Variants in GRIA2 observed in about 807,000 individuals in gnomAD.
GRIA2 encodes the protein glutamate receptor 2.
Under a neutral mutation model 97.3 loss-of-function variants are expected in GRIA2, and 14 were observed. That is an observed-to-expected ratio of 0.14 (90% CI 0.10 to 0.23). GRIA2 has a LOEUF of 0.23. GRIA2 is among the 10% of genes least tolerant of loss of function. GRIA2 has a pLI of 1.00. For synonymous variants in GRIA2, 412 were observed against 387.8 expected, an observed-to-expected ratio of 1.06 and a Z score of -0.73; for missense variants, 558 against 1,069.8, an observed-to-expected ratio of 0.52 and a Z score of 6.67.
At chr4:157,330,025 T>C (rs913601717) in intron 6 of GRIA2, among the ~76,000 whole-genome samples, 1 of 151,914 alleles carries the variant, frequency 6.6e-6, no homozygotes, top group East Asian at 1.9e-4. Context: ...AAAACAGTGG[T>C]GGCATAGGGT....
At chr4:157,288,210 A>G (rs1477002132) in intron 2 of GRIA2, among the ~76,000 whole-genome samples, 1 of 151,670 alleles carries the variant, frequency 6.6e-6, no homozygotes, top group Non-Finnish European at 1.5e-5. Flanking sequence ...GGAGTCACCA[A>G]TAATTGAATC....
At chr4:157,236,372 A>G (rs1366903782) in intron 2 of GRIA2, among the ~76,000 whole-genome samples, 1 of 152,092 alleles carries the variant, frequency 6.6e-6, no homozygotes, top group East Asian at 1.9e-4. Flanking sequence ...AGCATAATAT[A>G]CACTGTTCTT....
intron 2 of GRIA2, among the ~76,000 whole-genome samples, chr4:157,236,211 A>G (rs1730239188): frequency 6.6e-6 from 1 of 152,048 alleles, no homozygotes; most frequent in Non-Finnish European, 1.5e-5. Flanking sequence ...TGTGGTCTTT[A>G]TATTTTGAAG....
In GRIA2 at chr4:157,332,968, A is replaced by G. The variant is rs971901720; in HGVS notation, c.1032A>G (p.Ile344Met). Residue 344 changes from isoleucine to methionine, a missense_variant, in exon 7 of 16, where the codon ATA becomes ATG. By Grantham distance (10) the Ile-to-Met change is conservative. This residue lies in a region of GRIA2 where 66 missense variants were observed against 118.7 expected (regional missense o/e 0.56). Coordinates refer to ENST00000264426, the MANE Select transcript of GRIA2 (RefSeq NM_001083619.3). ...TGCCCTGGGGACAAGGTGTAGAAATAGAAAGGGCCCTCAAACAGGTCAGTT... is the reference window on the plus strand; with the variant it reads ...TGCCCTGGGGACAAGGTGTAGAAATGGAAAGGGCCCTCAAACAGGTCAGTT... ...PAVPWGQGVE[I>M]ERALKQVQVE... 1.9e-6 allele frequency: 3 copies of G among 1,608,612 alleles called. No individual in the cohort carries two copies. In the Admixed American group the frequency reaches 5.1e-5, roughly 27 times the overall value.
chr4:157,237,486 A>T (rs921427001), intron 2 of GRIA2, among the ~76,000 whole-genome samples: 5 of 151,762 alleles, frequency 3.3e-5, no homozygotes, highest in Admixed American at 3.3e-4. Flanking sequence ...GACTGTGTGG[A>T]CCGGGCTAGT....
At chr4:157,270,400 T>G (rs2126788079) in intron 2 of GRIA2, among the ~76,000 whole-genome samples, 1 of 152,244 alleles carries the variant, frequency 6.6e-6, no homozygotes, top group East Asian at 1.9e-4. Context: ...CTCAAAGTGT[T>G]CAATTTGTGG....
intron 2 of GRIA2, among the ~76,000 whole-genome samples, chr4:157,247,971 C>A (rs1301660387): frequency 6.6e-6 from 1 of 151,962 alleles, no homozygotes; most frequent in Non-Finnish European, 1.5e-5. Flanking sequence ...ATTTGTTATT[C>A]TTTTGTCAAA....
At chr4:157,249,248 A>C (rs1395138686) in intron 2 of GRIA2, among the ~76,000 whole-genome samples, 1 of 152,166 alleles carries the variant, frequency 6.6e-6, no homozygotes, top group East Asian at 1.9e-4. Context: ...GAGCCACTTG[A>C]AAGTCCCTGT....
At chr4:157,299,610 C>A (rs1357328941) in intron 2 of GRIA2, among the ~76,000 whole-genome samples, 1 of 151,640 alleles carries the variant, frequency 6.6e-6, no homozygotes, top group Non-Finnish European at 1.5e-5. Context: ...GCAGAGTGAC[C>A]TAAGAGAAAA....
At chr4:157,331,360 A>C (rs1735039851) in intron 6 of GRIA2, among the ~76,000 whole-genome samples, 1 of 152,032 alleles carries the variant, frequency 6.6e-6, no homozygotes, top group East Asian at 1.9e-4. Context: ...TCCCTTAGTA[A>C]TGTGAGCAAG....
At chr4:157,331,626 C>A (rs1735052031) in intron 6 of GRIA2, among the ~76,000 whole-genome samples, 1 of 151,820 alleles carries the variant, frequency 6.6e-6, no homozygotes, top group Non-Finnish European at 1.5e-5. Context: ...TTCAAGAAGT[C>A]TTTTATTAAG....
intron 12 of GRIA2, among the ~76,000 whole-genome samples, chr4:157,349,462 TC>T (rs1347726699): frequency 4.1e-5 from 5 of 121,238 alleles, no homozygotes; most frequent in African/African-American, 1.2e-4. Context: ...CCCCGCTTCC[TC>T]CCCCCACCCT....
intron 3 of GRIA2, among the ~76,000 whole-genome samples, chr4:157,307,590 G>C (rs1252641591): frequency 6.6e-6 from 1 of 151,980 alleles, no homozygotes; most frequent in Non-Finnish European, 1.5e-5. Context: ...AGAGCAATGG[G>C]GTTATCTATG....
chr4:157,332,701 T>G (rs961932588), intron 6 of GRIA2, 118 bp from the exon 7 acceptor site: 1 of 659,618 alleles, frequency 1.5e-6, no homozygotes, highest in Admixed American at 2.7e-5. Flanking sequence ...AAATTGTGTT[T>G]AAATTCTTGG....
chr4:157,310,134 G>C (rs1244450547), intron 3 of GRIA2, among the ~76,000 whole-genome samples: 1 of 152,114 alleles, frequency 6.6e-6, no homozygotes. Flanking sequence ...CCAGCTGTGC[G>C]TGTTCTGTCT....
chr4:157,360,555 T>C, intron 13 of GRIA2: 1 of 396,100 alleles, frequency 2.5e-6, no homozygotes, highest in South Asian at 2.0e-5. Flanking sequence ...AATAACTAAC[T>C]GAGAAATATG....
chr4:157,246,563 C>T (rs934463407), intron 2 of GRIA2, among the ~76,000 whole-genome samples: 6 of 152,082 alleles, frequency 3.9e-5, no homozygotes, highest in East Asian at 3.9e-4. Flanking sequence ...TATAGACTAT[C>T]GACTGGATAT....
chr4:157,283,102 C>G (rs1454705581), intron 2 of GRIA2, among the ~76,000 whole-genome samples: 1 of 151,888 alleles, frequency 6.6e-6, no homozygotes, highest in Non-Finnish European at 1.5e-5. Context: ...CTTTTCTAAA[C>G]TTTCCTATTA....
intron 14 of GRIA2, chr4:157,362,280 T>C (rs1366628272): frequency 7.4e-6 from 3 of 407,698 alleles, no homozygotes; most frequent in Non-Finnish European, 1.5e-5. Flanking sequence ...TTCCTGAAGG[T>C]TTATCTTAGC....
Sources: allele counts gnomAD v4.1 joint callset (sites outside exome capture counted in the v4.1 genomes callset), GRCh38; gene constraint gnomAD v4.1.1; regional missense constraint gnomAD v4.1.1; transcripts MANE v1.5; gene names NCBI Gene and HGNC (gene_info 2026-07-23, HGNC 2026-07-21).